Variants in LPP observed in about 807,000 individuals in gnomAD.
LPP encodes lipoma-preferred partner.
A neutral mutation model predicts 60.4 loss-of-function variants in LPP; 38 were observed. That is an observed-to-expected ratio of 0.63 (90% CI 0.49 to 0.83). The LOEUF (loss-of-function observed/expected upper bound fraction) is 0.83. LPP is among the 40% of genes least tolerant of loss of function. The pLI is 0.00. For synonymous variants in LPP, 328 were observed against 290.8 expected (o/e 1.13, Z -1.30); for missense variants, 902 against 783.6 (o/e 1.15, Z -1.80).
chr3:188,643,629 T>C (rs975978656), intron 7 of LPP, among the ~76,000 whole-genome samples: 5 of 152,108 alleles, frequency 3.3e-5, no homozygotes, highest in African/African-American at 4.8e-5. Flanking sequence ...ATAGATGTGA[T>C]GTCTCCTGTC....
chr3:188,731,768 C>A lies in LPP; in HGVS notation c.1240+23375C>A, dbSNP rs532165751. On this transcript the variant is annotated intron_variant, in intron 8 of 11. Transcript: ENST00000617246. ...CGAACTCCTGACCTTGTGATCCACC[C>A]ACCTCAGCCTCCAAAAGTGCTAGGA... Among the ~76,000 whole-genome samples, 119 of 152,214 alleles carry A rather than the reference C, an allele frequency of 7.8e-4. 1 individual carries two copies. The highest frequency in any genetic ancestry group is 2.8e-3 in the African/African-American group (117 of 41,544).
intron 3 of LPP, among the ~76,000 whole-genome samples, chr3:188,353,987 G>A (rs1430792987): frequency 1.3e-5 from 2 of 151,642 alleles, no homozygotes; most frequent in Non-Finnish European, 2.9e-5. Flanking sequence ...TTCAAAAAAA[G>A]GATGCAGGAA....
chr3:188,242,425 C>A (rs564261918), intron 2 of LPP, among the ~76,000 whole-genome samples: 5 of 151,550 alleles, frequency 3.3e-5, no homozygotes, highest in East Asian at 1.9e-4. Flanking sequence ...GAAAAAAAAA[C>A]CACACACATT....
At chr3:188,833,546 A>G (rs1327212895) in intron 9 of LPP, among the ~76,000 whole-genome samples, 3 of 152,190 alleles carry the variant, frequency 2.0e-5, no homozygotes, top group Admixed American at 6.5e-5. Flanking sequence ...AGCAATTAGC[A>G]TCCCTCTGTC....
At chr3:188,662,195 G>A (rs1314539716) in intron 7 of LPP, among the ~76,000 whole-genome samples, 1 of 152,248 alleles carries the variant, frequency 6.6e-6, no homozygotes, top group Non-Finnish European at 1.5e-5. Flanking sequence ...GCATCTCATA[G>A]AATCTCAAGG....
At chr3:188,358,851 T>G (rs1448612061) in intron 3 of LPP, among the ~76,000 whole-genome samples, 1 of 152,164 alleles carries the variant, frequency 6.6e-6, no homozygotes, top group East Asian at 1.9e-4. Context: ...TTTTGATGCA[T>G]TGTCCGCAAA....
chr3:188,768,295 T>C (rs1734784442), intron 9 of LPP, among the ~76,000 whole-genome samples: 1 of 152,164 alleles, frequency 6.6e-6, no homozygotes, highest in Non-Finnish European at 1.5e-5. Context: ...CCAAATCATT[T>C]TATAAAGCTA....
chr3:188,599,663 G>A (rs1166052610), intron 6 of LPP, among the ~76,000 whole-genome samples: 1 of 151,958 alleles, frequency 6.6e-6, no homozygotes, highest in Non-Finnish European at 1.5e-5. Context: ...GCACAAGGCT[G>A]TGAAATGAAT....
chr3:188,609,612 G>T lies in LPP; in HGVS notation c.881G>T (p.Gly294Val). The change falls in exon 7 of 12, where the codon GGA (glycine) becomes GTA (valine). Residue 294 changes from glycine (G) to valine (V), a missense_variant. Coordinates refer to ENST00000617246, the MANE Select transcript of LPP (RefSeq NM_001375462.1). This position sits in a 1 kb window ranked among gnomAD's most constrained non-coding sequence, Gnocchi z 6.9. ...EPGYGYAPNQGRYYEGYYAAG... is the reference protein window; with the variant it reads ...EPGYGYAPNQVRYYEGYYAAG... Reference sequence around the variant, plus strand: ...GGGTATGGGTATGCCCCCAACCAGGGACGCTATTATGAAGGCTACTATGCA... The same window carrying T: ...GGGTATGGGTATGCCCCCAACCAGGTACGCTATTATGAAGGCTACTATGCA... 6.2e-7 allele frequency: 1 copy of T among 1,614,178 alleles called. No homozygotes were observed. The highest frequency in any genetic ancestry group is 8.5e-7 in the Non-Finnish European group (1 of 1,180,046).
chr3:188,171,075 G>T (rs1422688728), intron 1 of LPP, among the ~76,000 whole-genome samples: 1 of 152,128 alleles, frequency 6.6e-6, no homozygotes, highest in African/African-American at 2.4e-5. Context: ...TTTTGGGCTT[G>T]AATTTTTCTG....
At chr3:188,506,155 C>T (rs541472815) in intron 5 of LPP, among the ~76,000 whole-genome samples, 82 of 152,290 alleles carry the variant, frequency 5.4e-4, no homozygotes, top group African/African-American at 1.8e-3. Context: ...TTCTCTGCAT[C>T]CTCAGTCTTT....
At chr3:188,338,454 C>G (rs1354752261) in intron 2 of LPP, among the ~76,000 whole-genome samples, 2 of 152,120 alleles carry the variant, frequency 1.3e-5, no homozygotes, top group South Asian at 2.1e-4. Flanking sequence ...TTACTACTAC[C>G]TCTGTTGCCA....
At chr3:188,583,523 G>A (rs909747269) in intron 6 of LPP, among the ~76,000 whole-genome samples, 3 of 151,964 alleles carry the variant, frequency 2.0e-5, no homozygotes, top group African/African-American at 7.3e-5. Context: ...TTTTCTCCTT[G>A]AACTTCCTAA....
At chr3:188,788,137 C>A (rs890419159) in intron 9 of LPP, among the ~76,000 whole-genome samples, 4 of 152,184 alleles carry the variant, frequency 2.6e-5, no homozygotes, top group African/African-American at 9.7e-5. Flanking sequence ...AATACTTTGG[C>A]TTCCTTTATA....
chr3:188,688,762 A>C (rs1026081696), intron 7 of LPP: 1 of 506,334 alleles, frequency 2.0e-6, no homozygotes, highest in Non-Finnish European at 4.1e-6. Context: ...TGCTGAAGAT[A>C]CAAGAAAAAA....
rs1488490441 is a variant in LPP, at chr3:188,610,760, A to G, written c.1113+916A>G. On this transcript the variant is annotated intron_variant, in intron 7 of 11. Coordinates refer to ENST00000617246, the MANE Select transcript of LPP (RefSeq NM_001375462.1). The surrounding 1 kb of genome is among the most constrained non-coding windows in gnomAD (Gnocchi z 4.4). ...AACCAACACGATGTTGATTCCTCCC[A>G]TTATGACTAGAGGAACCAATAAGAA... is the stretch of plus-strand genomic sequence containing the variant. Among the ~76,000 whole-genome samples the G allele has an allele frequency of 3.3e-5, 5 of 152,192 alleles. No individual in the cohort carries two copies. Among genetic ancestry groups the G allele is most frequent in the African/African-American group, 9.7e-5 (4 of 41,446 alleles).
At chr3:188,388,843 T>C (rs1422273204) in intron 3 of LPP, among the ~76,000 whole-genome samples, 2 of 152,220 alleles carry the variant, frequency 1.3e-5, no homozygotes, top group Non-Finnish European at 2.9e-5. Context: ...GTAAATATTT[T>C]AGGCTTTGTA....
At chr3:188,261,001 A>G (rs1733425384) in intron 2 of LPP, among the ~76,000 whole-genome samples, 2 of 152,046 alleles carry the variant, frequency 1.3e-5, no homozygotes, top group African/African-American at 4.8e-5. Context: ...TGAACCCGGG[A>G]GGCGGAGGTT....
intron 9 of LPP, among the ~76,000 whole-genome samples, chr3:188,801,122 A>G (rs1253625195): frequency 6.6e-6 from 1 of 152,120 alleles, no homozygotes; most frequent in Non-Finnish European, 1.5e-5. Context: ...TTTGTGCTTG[A>G]GATTAAACAA....
Sources: gnomAD v4.1 joint callset for allele counts (sites outside exome capture counted in the v4.1 genomes callset) on GRCh38, gnomAD v4.1.1 for gene constraint, Gnocchi (gnomAD v3.1) non-coding constraint, MANE v1.5 for transcripts, NCBI Gene and HGNC (gene_info 2026-07-23, HGNC 2026-07-21) for gene names.